Variants in TNIK observed in about 807,000 individuals in gnomAD.
TNIK encodes the protein TRAF2 and NCK interacting kinase.
TNIK carries 49 observed loss-of-function variants against 191.3 expected under a neutral mutation model. That is an observed-to-expected ratio of 0.26 (90% CI 0.20 to 0.32). TNIK has a LOEUF of 0.32. TNIK is among the 10% of genes least tolerant of loss of function. TNIK has a pLI of 1.00. For missense variants in TNIK, 1,155 were observed against 1,702.3 expected, an observed-to-expected ratio of 0.68 and a Z score of 5.66; for synonymous variants, 594 against 600.9, an observed-to-expected ratio of 0.99 and a Z score of 0.17.
chr3:171,417,202 T>A (rs1390508354), intron 1 of TNIK, among the ~76,000 whole-genome samples: 2 of 152,216 alleles, frequency 1.3e-5, no homozygotes. Flanking sequence ...TCAAAATATG[T>A]TTTGAAGAAA....
chr3:171,139,369 C>T (rs1307025781), intron 14 of TNIK, 101 bp downstream of exon 14: 18 of 1,062,394 alleles, frequency 1.7e-5, no homozygotes, highest in East Asian at 9.7e-5. Flanking sequence ...GAAGGACACA[C>T]GCACGCGCGC....
At chr3:171,153,764 G>A (rs996147708) in intron 12 of TNIK, among the ~76,000 whole-genome samples, 1 of 152,130 alleles carries the variant, frequency 6.6e-6, no homozygotes, top group Non-Finnish European at 1.5e-5. Context: ...CTGTGCCATG[G>A]CTTCCCTGCC....
intron 2 of TNIK, among the ~76,000 whole-genome samples, chr3:171,294,003 T>C (rs534150375): frequency 1.3e-5 from 2 of 152,256 alleles, no homozygotes; most frequent in East Asian, 3.9e-4. Context: ...GGCAGGCGGA[T>C]TGCCTGAGGT....
At position 171,063,077 on chromosome 3, in the gene TNIK, G is replaced by T. The variant is rs912396065; in HGVS notation, c.*804C>A. 1 of 152,070 alleles carries T rather than the reference G, an allele frequency of 6.6e-6. No homozygotes were observed. The highest frequency in any genetic ancestry group is 1.5e-5 in the Non-Finnish European group (1 of 68,028). The allele number at this position is 152,070 out of a possible 1,614,324, so 9.4% of individuals were successfully genotyped here. A position where few individuals can be genotyped will look rare whatever the true frequency, so the allele number is the denominator to read the frequency against. On this transcript the variant is annotated 3_prime_UTR_variant, in exon 33 of 33. Transcript: ENST00000436636. ...AGTTGTGTTAGAGTGTCCCTCCATC[G>T]CTAGGCCAGCTCAACTCAATGGCGT...
intron 2 of TNIK, among the ~76,000 whole-genome samples, chr3:171,240,218 G>A (rs1744782575): frequency 1.3e-5 from 2 of 152,102 alleles, no homozygotes; most frequent in South Asian, 4.1e-4. Context: ...ACAGCATCTT[G>A]CTGACTCTTG....
intron 2 of TNIK, among the ~76,000 whole-genome samples, chr3:171,302,855 G>A (rs1011846463): frequency 6.6e-6 from 1 of 152,100 alleles, no homozygotes; most frequent in East Asian, 1.9e-4. Context: ...TTCCATTTGA[G>A]GGTCTCCATC....
At position 171,272,412 on chromosome 3, in the gene TNIK, G is replaced by T. The variant is rs374457606; in HGVS notation, c.124-44191C>A. On this transcript the variant is annotated intron_variant, in intron 2 of 32. Transcript: ENST00000436636. ...AGCTCTTCAGCCATGAATTGCTAAG[G>T]GGTCTTTCCTAAGATGGCACCGTAC... is the stretch of plus-strand genomic sequence containing the variant. 9.2e-5 allele frequency among the ~76,000 whole-genome samples: 14 copies of T among 152,276 alleles called. No individual in the cohort carries two copies. The East Asian group carries it at 9.6e-4, about 10-fold the overall frequency.
In TNIK at chr3:171,252,210, T is replaced by C. The variant is rs771394232; in HGVS notation, c.124-23989A>G. Reference sequence around the variant, plus strand: ...GTTTGTGGGTGAGAAAATGCCTCCATTTTACCTATGTTCACCAGTTAGTTA... The same window carrying C: ...GTTTGTGGGTGAGAAAATGCCTCCACTTTACCTATGTTCACCAGTTAGTTA... On this transcript the variant is annotated intron_variant, in intron 2 of 32. Transcript: ENST00000436636. 8.4e-4 allele frequency among the ~76,000 whole-genome samples: 128 copies of C among 152,288 alleles called. 1 individual carries two copies. The highest frequency in any genetic ancestry group is 6.8e-3 in the Middle Eastern group (2 of 294).
At chr3:171,395,697 T>C (rs533824913) in intron 1 of TNIK, among the ~76,000 whole-genome samples, 5 of 152,352 alleles carry the variant, frequency 3.3e-5, no homozygotes, top group Non-Finnish European at 7.3e-5. Flanking sequence ...TTTTAACTTA[T>C]GAAATACAGA....
At position 171,110,697 on chromosome 3, in the gene TNIK, G is replaced by T; in HGVS notation, c.2284+17C>A. Reference sequence around the variant, plus strand: ...TCCCAGGCAGTATTGCCAGGTAAAGGTAAGAGAAAGTTTTACCTCGAACTC... The same window carrying T: ...TCCCAGGCAGTATTGCCAGGTAAAGTTAAGAGAAAGTTTTACCTCGAACTC... On this transcript the variant is annotated intron_variant, in intron 19 of 32. Coordinates refer to ENST00000436636, the MANE Select transcript of TNIK (RefSeq NM_015028.4). 6.4e-7 allele frequency: 1 copy of T among 1,571,338 alleles called. No homozygotes were observed. The highest frequency in any genetic ancestry group is 8.6e-7 in the Non-Finnish European group (1 of 1,157,578).
At position 171,409,514 on chromosome 3, in the gene TNIK, G is replaced by A. The variant is rs1381316263; in HGVS notation, c.58-39829C>T. ...GACTAATTTATTGATTTTTAGAATGGCCATGGGTACACTACAGGGGTATAT... is the reference window on the plus strand; with the variant it reads ...GACTAATTTATTGATTTTTAGAATGACCATGGGTACACTACAGGGGTATAT... On this transcript the variant is annotated intron_variant, in intron 1 of 32. Transcript: ENST00000436636. 5.3e-5 allele frequency among the ~76,000 whole-genome samples: 8 copies of A among 152,034 alleles called. No homozygotes were observed. The South Asian group carries it at 1.5e-3, about 28-fold the overall frequency.
chr3:171,199,836 A>T (rs974259502), intron 4 of TNIK, among the ~76,000 whole-genome samples: 1 of 152,222 alleles, frequency 6.6e-6, no homozygotes, highest in African/African-American at 2.4e-5. Flanking sequence ...AAATCTCAAG[A>T]TGTATTTATG....
In TNIK at chr3:171,167,167, G is replaced by A. The variant is rs371429099; in HGVS notation, c.877C>T (p.Pro293Ser). The A allele has an allele frequency of 5.6e-6, 9 of 1,613,882 alleles. No individual in the cohort carries two copies. Among genetic ancestry groups the A allele is most frequent in the Non-Finnish European group, 7.6e-6 (9 of 1,179,864 alleles). ...TGAATGCGGACCTGTCGCTCATTAG[G>A]TTGGTCTCGTATAAATGGATGCTTC... is the stretch of plus-strand genomic sequence containing the variant. ...LMKHPFIRDQPNERQVRIQLK... is the reference protein window; with the variant it reads ...LMKHPFIRDQSNERQVRIQLK... Residue 293 changes from proline to serine, a missense_variant, in exon 10 of 33, where the codon CCT becomes TCT. Pro to Ser is a moderately conservative substitution (Grantham distance 74). Coordinates refer to ENST00000436636, the MANE Select transcript of TNIK (RefSeq NM_015028.4).
rs141708571 is a variant in TNIK, at chr3:171,202,855, T to C, written c.307-8220A>G. Among the ~76,000 whole-genome samples, 500 of 152,300 alleles carry C rather than the reference T, an allele frequency of 3.3e-3. 1 individual carries two copies. Among genetic ancestry groups the C allele is most frequent in the African/African-American group, 0.011 (476 of 41,564 alleles). On this transcript the variant is annotated intron_variant, in intron 4 of 32. Transcript: ENST00000436636. Reference sequence around the variant, plus strand: ...CCTCTTACCATGTTAGGCATATCTATATTTGCCAAATTCAACCTTTTAAAA... The same window carrying C: ...CCTCTTACCATGTTAGGCATATCTACATTTGCCAAATTCAACCTTTTAAAA...
At chr3:171,199,648 G>A (rs752858421) in intron 4 of TNIK, among the ~76,000 whole-genome samples, 2 of 152,152 alleles carry the variant, frequency 1.3e-5, no homozygotes, top group African/African-American at 2.4e-5. Context: ...GTGAAAGCAC[G>A]TTGCTCTCTC....
At chr3:171,185,177 C>CTGTGTGTG (rs879495222) in intron 7 of TNIK, among the ~76,000 whole-genome samples, 1,801 of 118,010 alleles carry the variant, frequency 0.015, 21 homozygotes, top group East Asian at 0.065. Flanking sequence ...TATAGATTTC[C>CTGTGTGTG]CGTGTGTGTG....
rs958739984 is a variant in TNIK at position 171,460,390 on chromosome 3, C to T, written c.-327G>A. ...TTCTTTGCTTGTGCGTGGATGGCGG[C>T]TGCATTGGCTGTTATAATGAGACAC... On this transcript the variant is annotated 5_prime_UTR_variant, in exon 1 of 33. Transcript: ENST00000436636. This position sits in a 1 kb window ranked among gnomAD's most constrained non-coding sequence, Gnocchi z 6.8. The T allele has an allele frequency of 2.3e-5, 10 of 428,122 alleles. No individual in the cohort carries two copies. The highest frequency in any genetic ancestry group is 4.3e-5 in the African/African-American group (2 of 46,744). The allele number at this position is 428,122 out of a possible 1,614,324, so 26.5% of individuals were successfully genotyped here.
chr3:171,424,418 G>C (rs1019385837), intron 1 of TNIK, among the ~76,000 whole-genome samples: 1 of 152,110 alleles, frequency 6.6e-6, no homozygotes, highest in Non-Finnish European at 1.5e-5. Flanking sequence ...GGTGGAAGTC[G>C]GTGTGGCAAT....
chr3:171,401,634 C>G (rs1215281343), intron 1 of TNIK, among the ~76,000 whole-genome samples: 3 of 152,056 alleles, frequency 2.0e-5, no homozygotes, highest in Admixed American at 2.0e-4. Context: ...AGGGGCAACA[C>G]TTTATCAAAT....
Sources: allele counts gnomAD v4.1 joint callset (sites outside exome capture counted in the v4.1 genomes callset), GRCh38; gene constraint gnomAD v4.1.1; non-coding constraint Gnocchi (gnomAD v3.1); transcripts MANE v1.5; gene names NCBI Gene and HGNC (gene_info 2026-07-23, HGNC 2026-07-21).